Variants in CCDC148 observed in about 807,000 individuals in gnomAD.
The protein encoded by CCDC148 is coiled-coil domain-containing protein 148.
In CCDC148, 89 loss-of-function variants were observed where a neutral mutation model predicts 85.7. The ratio of observed to expected loss-of-function variants is 1.04; its 90% confidence interval spans 0.87 to 1.24. CCDC148 has a LOEUF of 1.24. Ranked by LOEUF, CCDC148 falls within the 50% of genes most tolerant of loss-of-function variation. The pLI is 0.00. For synonymous variants in CCDC148, 230 were observed against 213.9 expected, an observed-to-expected ratio of 1.08 and a Z score of -0.66; for missense variants, 692 against 671.7, an observed-to-expected ratio of 1.03 and a Z score of -0.33.
intron 11 of CCDC148, among the ~76,000 whole-genome samples, chr2:158,205,806 T>C (rs1175328497): frequency 6.6e-6 from 1 of 152,110 alleles, no homozygotes; most frequent in Non-Finnish European, 1.5e-5. Flanking sequence ...GTCCAGGCCA[T>C]GATGCAGATG....
At chr2:158,319,605 T>C (rs1020915219) in intron 7 of CCDC148, among the ~76,000 whole-genome samples, 1 of 152,234 alleles carries the variant, frequency 6.6e-6, no homozygotes, top group Non-Finnish European at 1.5e-5. Context: ...TCTAGACTTC[T>C]TGTTAAATAA....
At chr2:158,434,133 G>A (rs1274138415) in intron 1 of CCDC148, among the ~76,000 whole-genome samples, 1 of 152,160 alleles carries the variant, frequency 6.6e-6, no homozygotes, top group Non-Finnish European at 1.5e-5. Context: ...GGTTCTCCCA[G>A]CACGCAGCTT....
At chr2:158,226,094 T>C (rs977168305) in intron 10 of CCDC148, among the ~76,000 whole-genome samples, 15 of 152,042 alleles carry the variant, frequency 9.9e-5, no homozygotes, top group Non-Finnish European at 1.3e-4. Flanking sequence ...AAGAATCAAA[T>C]AGACGCAATA....
At position 158,365,968 on chromosome 2, in the gene CCDC148, T is replaced by C. The variant is rs1249123140; in HGVS notation, c.26-7398A>G. Reference sequence around the variant, plus strand: ...AATTGTGTATCATTTCAAAAGTACATAATCCACTGTAAATAATAAAACAGA... The same window carrying C: ...AATTGTGTATCATTTCAAAAGTACACAATCCACTGTAAATAATAAAACAGA... On this transcript the variant is annotated intron_variant, in intron 1 of 13. Coordinates refer to ENST00000283233, the MANE Select transcript of CCDC148 (RefSeq NM_138803.4). 2.3e-6 allele frequency: 3 copies of C among 1,277,864 alleles called. No individual in the cohort carries two copies. In the Admixed American group the frequency reaches 7.5e-5, roughly 32 times the overall value. The allele number at this position is 1,277,864 out of a possible 1,614,324, so 79.2% of individuals were successfully genotyped here.
intron 3 of CCDC148, among the ~76,000 whole-genome samples, chr2:158,341,338 G>A (rs1477013432): frequency 4.9e-5 from 7 of 141,788 alleles, no homozygotes; most frequent in African/African-American, 1.3e-4. Context: ...ACTGAGTCTC[G>A]CTTGATCGCC....
chr2:158,286,598 C>T (rs1690636590), intron 9 of CCDC148, among the ~76,000 whole-genome samples: 1 of 152,170 alleles, frequency 6.6e-6, no homozygotes, highest in East Asian at 1.9e-4. Flanking sequence ...TATAGCAACA[C>T]TCATTACAAA....
In CCDC148 at chr2:158,180,890, G is replaced by C. The variant is rs190833795; in HGVS notation, c.1371-1894C>G. On this transcript the variant is annotated intron_variant, in intron 11 of 13. Coordinates refer to ENST00000283233, the MANE Select transcript of CCDC148 (RefSeq NM_138803.4). ...TCCTTTGATGGCCATGAGTGTTCTT[G>C]CCAAAATCAGGAGTCAATATAGTCA... Among the ~76,000 whole-genome samples, 6 of 152,214 alleles carry C rather than the reference G, an allele frequency of 3.9e-5. No homozygotes were observed. The East Asian group carries it at 9.7e-4, about 25-fold the overall frequency.
At chr2:158,291,728 G>A (rs943934271) in intron 9 of CCDC148, among the ~76,000 whole-genome samples, 2 of 152,160 alleles carry the variant, frequency 1.3e-5, no homozygotes, top group Non-Finnish European at 2.9e-5. Context: ...TGGAATCTGA[G>A]ATCCCTGAGG....
intron 7 of CCDC148, among the ~76,000 whole-genome samples, chr2:158,315,753 A>G (rs1692250407): frequency 6.6e-6 from 1 of 152,010 alleles, no homozygotes; most frequent in African/African-American, 2.4e-5. Context: ...TGGACCAACT[A>G]GGAGCTGCCT....
chr2:158,404,945 T>G (rs1685937824), intron 1 of CCDC148, among the ~76,000 whole-genome samples: 1 of 152,130 alleles, frequency 6.6e-6, no homozygotes, highest in African/African-American at 2.4e-5. Flanking sequence ...AATGCATACA[T>G]AGATGATTTA....
chr2:158,305,162 CA>C (rs1205712559), intron 9 of CCDC148, among the ~76,000 whole-genome samples: 1 of 152,164 alleles, frequency 6.6e-6, no homozygotes. Flanking sequence ...GGAAAAGCCA[CA>C]AACCCACTAG....
intron 1 of CCDC148, among the ~76,000 whole-genome samples, chr2:158,369,157 CT>C (rs1411344133): frequency 5.9e-5 from 9 of 151,914 alleles, no homozygotes; most frequent in Admixed American, 5.9e-4. Context: ...TATACGGGCT[CT>C]TTTTTTGTTC....
chr2:158,280,512 G>T (rs1297688654), intron 9 of CCDC148, among the ~76,000 whole-genome samples: 1 of 152,126 alleles, frequency 6.6e-6, no homozygotes, highest in East Asian at 1.9e-4. Flanking sequence ...AACCAACAAA[G>T]ATCAAAAGAG....
At chr2:158,452,972 T>C (rs888734150) in intron 1 of CCDC148, among the ~76,000 whole-genome samples, 6 of 152,256 alleles carry the variant, frequency 3.9e-5, no homozygotes, top group Non-Finnish European at 8.8e-5. Context: ...ACCTCTATTC[T>C]GCTCTATCAT....
At chr2:158,419,500 C>T (rs1686666282) in intron 1 of CCDC148, among the ~76,000 whole-genome samples, 1 of 152,104 alleles carries the variant, frequency 6.6e-6, no homozygotes, top group African/African-American at 2.4e-5. Context: ...CCTGGCCTTG[C>T]CACTTACTAA....
intron 10 of CCDC148, among the ~76,000 whole-genome samples, chr2:158,240,216 T>C (rs1688289737): frequency 6.6e-6 from 1 of 151,826 alleles, no homozygotes; most frequent in Admixed American, 6.6e-5. Flanking sequence ...AAGAAGTCTA[T>C]GAGAGTTCTT....
intron 10 of CCDC148, among the ~76,000 whole-genome samples, chr2:158,231,406 C>T (rs1049716095): frequency 2.0e-5 from 3 of 152,130 alleles, no homozygotes; most frequent in African/African-American, 7.2e-5. Context: ...TAGTTTATGA[C>T]CCTCCTTTCT....
intron 2 of CCDC148, among the ~76,000 whole-genome samples, chr2:158,351,313 A>G (rs1218884335): frequency 6.6e-6 from 1 of 152,136 alleles, no homozygotes; most frequent in Non-Finnish European, 1.5e-5. Context: ...CTGCATTTCC[A>G]TCTGAGGTAC....
intron 2 of CCDC148, among the ~76,000 whole-genome samples, chr2:158,355,588 A>G (rs1683586572): frequency 7.4e-6 from 1 of 134,604 alleles, no homozygotes; most frequent in African/African-American, 2.9e-5. Context: ...GAGGATACAA[A>G]CAAATGGAAG....
Sources: gnomAD v4.1 joint callset for allele counts (sites outside exome capture counted in the v4.1 genomes callset) on GRCh38, gnomAD v4.1.1 for gene constraint, MANE v1.5 for transcripts, NCBI Gene and HGNC (gene_info 2026-07-23, HGNC 2026-07-21) for gene names.